The following LAMA2 variants were observed in gnomAD, a reference collection of about 807,000 sequenced individuals.
LAMA2 encodes the protein laminin subunit alpha-2.
Under a neutral mutation model 364.8 loss-of-function variants are expected in LAMA2, and 269 were observed. That is an observed-to-expected ratio of 0.74 (90% confidence interval 0.67 to 0.82). The LOEUF (loss-of-function observed/expected upper bound fraction) is 0.82, where lower values mean the gene tolerates loss of function less well. Among genes scored for constraint, LAMA2 ranks in the 40% least tolerant of loss-of-function variants. LAMA2 has a pLI of 0.00. For synonymous variants in LAMA2, 1,379 were observed against 1,370.6 expected, an observed-to-expected ratio of 1.01 and a Z score of -0.14; for missense variants, 3,807 against 3,873.2, an observed-to-expected ratio of 0.98 and a Z score of 0.45.
At chr6:129,031,956 A>T (rs1786260328) in intron 1 of LAMA2, among the ~76,000 whole-genome samples, 1 of 152,064 alleles carries the variant, frequency 6.6e-6, no homozygotes, top group Non-Finnish European at 1.5e-5. Flanking sequence ...AGTAGCTGGG[A>T]TTACAGGCAT....
intron 29 of LAMA2, among the ~76,000 whole-genome samples, chr6:129,338,412 A>G (rs181435256): frequency 6.6e-6 from 1 of 152,314 alleles, no homozygotes. Flanking sequence ...TAATTATTTT[A>G]TCTTGGAGCC....
intron 9 of LAMA2, among the ~76,000 whole-genome samples, chr6:129,168,565 T>C (rs1169369004): frequency 6.7e-6 from 1 of 150,092 alleles, no homozygotes; most frequent in African/African-American, 2.4e-5. Flanking sequence ...TTGGTTACTG[T>C]AGACTTGTAG....
chr6:129,047,957 A>G (rs1787646670), intron 1 of LAMA2, among the ~76,000 whole-genome samples: 1 of 152,196 alleles, frequency 6.6e-6, no homozygotes, highest in South Asian at 2.1e-4. Flanking sequence ...TTAAGAGGAT[A>G]GACTCTGGAG....
chr6:128,998,129 G>T (rs1368995805), intron 1 of LAMA2, among the ~76,000 whole-genome samples: 1 of 152,130 alleles, frequency 6.6e-6, no homozygotes, highest in Middle Eastern at 3.2e-3. Context: ...GGTCAGCGAG[G>T]AGGTAAAGAG....
At chr6:129,454,503 C>T (rs1268168814) in intron 47 of LAMA2, among the ~76,000 whole-genome samples, 1 of 152,114 alleles carries the variant, frequency 6.6e-6, no homozygotes, top group Non-Finnish European at 1.5e-5. Context: ...GGAACAACTC[C>T]ATTTCTGACC....
chr6:129,397,549 A>C (rs1343706516), intron 37 of LAMA2, among the ~76,000 whole-genome samples: 1 of 152,252 alleles, frequency 6.6e-6, no homozygotes, highest in Non-Finnish European at 1.5e-5. Flanking sequence ...CAGATACTCT[A>C]TACTTTTGTC....
At chr6:129,238,147 T>A (rs1785126122) in intron 12 of LAMA2, among the ~76,000 whole-genome samples, 1 of 149,462 alleles carries the variant, frequency 6.7e-6, no homozygotes, top group Non-Finnish European at 1.5e-5. Flanking sequence ...CACTCCAGAC[T>A]GGGCAACAGA....
At chr6:129,286,967 A>G (rs199937451) in intron 18 of LAMA2, among the ~76,000 whole-genome samples, 12 of 104,344 alleles carry the variant, frequency 1.2e-4, no homozygotes, top group East Asian at 6.1e-4. Context: ...CAAAGAAAGA[A>G]AGAAACAGAG....
intron 29 of LAMA2, among the ~76,000 whole-genome samples, chr6:129,331,241 A>C (rs760632178): frequency 2.0e-5 from 3 of 152,006 alleles, no homozygotes; most frequent in Non-Finnish European, 4.4e-5. Context: ...TCTCACCTTA[A>C]ATTCATGATC....
At chr6:129,236,666 A>G (rs1052701822) in intron 12 of LAMA2, among the ~76,000 whole-genome samples, 2 of 151,950 alleles carry the variant, frequency 1.3e-5, no homozygotes, top group South Asian at 2.1e-4. Context: ...CTTAACTCTT[A>G]TTTTCCCTAT....
chr6:129,106,958 C>T (rs1294795982), intron 4 of LAMA2, among the ~76,000 whole-genome samples: 2 of 151,076 alleles, frequency 1.3e-5, no homozygotes, highest in Admixed American at 6.6e-5. Context: ...CAAAGATGGC[C>T]AGAGAAACTG....
intron 48 of LAMA2, among the ~76,000 whole-genome samples, chr6:129,456,799 C>T (rs925291348): frequency 2.0e-5 from 3 of 152,044 alleles, no homozygotes; most frequent in African/African-American, 7.2e-5. Context: ...TTTAAGTATA[C>T]CTCATCTTCT....
chr6:129,162,894 G>T lies in LAMA2; in HGVS notation c.1207-2682G>T, dbSNP rs77348302. 2.9e-4 allele frequency among the ~76,000 whole-genome samples: 44 copies of T among 150,866 alleles called. No individual in the cohort carries two copies. In the South Asian group the frequency reaches 4.0e-3, roughly 14 times the overall value. ...AGGGGAGAATGAAGAGAACTAGGAG[G>T]GGGGGGAAGAAGAGGAGGAAGAATG... On this transcript the variant is annotated intron_variant, in intron 8 of 64. Coordinates refer to ENST00000421865, the MANE Select transcript of LAMA2 (RefSeq NM_000426.4).
chr6:129,313,081 G>A lies in LAMA2; in HGVS notation c.3395G>A (p.Gly1132Glu). ...TKKCSCSDQT[G>E]QCTCKVNVEG... ...AAATGCTCCTGTAGTGATCAAACTG[G>A]GCAGTGCACTTGTAAGGTATGTGCT... is the stretch of plus-strand genomic sequence containing the variant. The change falls in exon 23 of 65, where the codon GGG becomes GAG. Residue 1132 changes from glycine (G) to glutamate (E), a missense_variant. Physicochemically the swap from Gly to Glu is moderately conservative, Grantham distance 98 (BLOSUM62 -2). Around this residue, in one of 3 missense-constraint regions of LAMA2, gnomAD observed 3,333 missense variants for 3,345.7 expected, o/e 1.00. Transcript: ENST00000421865. 8 of 1,605,896 alleles carry A rather than the reference G, an allele frequency of 5.0e-6. No homozygotes were observed. The South Asian group carries it at 6.6e-5, about 13-fold the overall frequency.
chr6:129,165,478 G>A, intron 8 of LAMA2, 98 bp from the exon 9 acceptor site: 1 of 733,842 alleles, frequency 1.4e-6, no homozygotes. Context: ...TTGCTGCTCT[G>A]TATTATTAAA....
rs779820882 is a variant in LAMA2, at chr6:129,342,411, G to A, written c.4380G>A (p.Lys1460=). The A allele has an allele frequency of 6.2e-7, 1 of 1,613,390 alleles. No homozygotes were observed. Among genetic ancestry groups the A allele is most frequent in the Non-Finnish European group, 8.5e-7 (1 of 1,179,432 alleles). Residue 1460 remains lysine, a synonymous_variant, in exon 30 of 65, where the codon AAG becomes AAA. Coordinates refer to ENST00000421865, the MANE Select transcript of LAMA2 (RefSeq NM_000426.4). ...RCALGYYGIV[K]GLPNDCQQCA... ...CTCTTGGATACTATGGAATTGTCAA[G>A]GGATTGCCAAATGACTGTCAGCAAT... is the stretch of plus-strand genomic sequence containing the variant.
At chr6:129,061,739 T>C (rs1382213148) in intron 3 of LAMA2, among the ~76,000 whole-genome samples, 1 of 152,206 alleles carries the variant, frequency 6.6e-6, no homozygotes, top group Non-Finnish European at 1.5e-5. Flanking sequence ...TTATGCTTCA[T>C]TCATCATAAC....
chr6:129,284,978 C>G (rs1788999622), intron 18 of LAMA2, among the ~76,000 whole-genome samples: 1 of 152,114 alleles, frequency 6.6e-6, no homozygotes, highest in Non-Finnish European at 1.5e-5. Context: ...ATTCGATAAA[C>G]TATTTTTAAA....
intron 41 of LAMA2, among the ~76,000 whole-genome samples, chr6:129,433,014 A>G (rs1201361333): frequency 2.0e-5 from 3 of 152,172 alleles, no homozygotes; most frequent in Non-Finnish European, 4.4e-5. Flanking sequence ...CCTGTGAAAC[A>G]GTCATCTCTG....
Sources: gnomAD v4.1 joint callset for allele counts (sites outside exome capture counted in the v4.1 genomes callset) on GRCh38, gnomAD v4.1.1 for gene constraint, gnomAD v4.1.1 regional missense constraint, MANE v1.5 for transcripts, NCBI Gene and HGNC (gene_info 2026-07-23, HGNC 2026-07-21) for gene names.